The following ACTN1 variants were observed in gnomAD, a reference collection of about 807,000 sequenced individuals.
ACTN1 encodes the protein actinin alpha 1, also known as alpha-actinin-1.
In ACTN1, 30 loss-of-function variants were observed where a neutral mutation model predicts 119.6. The ratio of observed to expected loss-of-function variants is 0.25; its 90% CI spans 0.19 to 0.34. ACTN1 has a LOEUF of 0.34. Among genes scored for constraint, ACTN1 ranks in the 10% least tolerant of loss-of-function variants. ACTN1 has a pLI of 1.00. For missense variants in ACTN1, 764 were observed against 1,223.4 expected, an observed-to-expected ratio of 0.62 and a Z score of 5.60; for synonymous variants, 429 against 472.6, an observed-to-expected ratio of 0.91 and a Z score of 1.20.
intron 1 of ACTN1, chr14:68,978,166 C>T: frequency 2.2e-6 from 1 of 456,246 alleles, no homozygotes; most frequent in South Asian, 1.5e-5. Flanking sequence ...CAAATATCCC[C>T]TAAGACTGAC....
chr14:68,900,376 T>C (rs1440916029), intron 8 of ACTN1, among the ~76,000 whole-genome samples: 1 of 151,820 alleles, frequency 6.6e-6, no homozygotes, highest in South Asian at 2.1e-4. Context: ...GGCAGCCTGG[T>C]TGAGAAGCAT....
intron 21 of ACTN1, among the ~76,000 whole-genome samples, chr14:68,875,348 G>C (rs542734492): frequency 5.3e-5 from 8 of 152,376 alleles, no homozygotes; most frequent in African/African-American, 1.9e-4. Context: ...AGTATCAGCA[G>C]ATACTCTGGT....
chr14:68,902,737 G>A (rs1181452086), intron 7 of ACTN1, among the ~76,000 whole-genome samples, 175 bp from the exon 8 acceptor site: 1 of 152,196 alleles, frequency 6.6e-6, no homozygotes, highest in Non-Finnish European at 1.5e-5. Flanking sequence ...TAGAGGAACA[G>A]GTGAAATGAA....
At position 68,885,785 on chromosome 14, in the gene ACTN1, C is replaced by A; in HGVS notation, c.1235-210G>T. 1 of 590,914 alleles carries A rather than the reference C, an allele frequency of 1.7e-6. No homozygotes were observed. Among genetic ancestry groups the A allele is most frequent in the South Asian group, 2.1e-5 (1 of 48,452 alleles). The allele number at this position is 590,914 out of a possible 1,614,324, so 36.6% of individuals were successfully genotyped here. ...ACGGGGAAAAGCACTCTCCTCAGAG[C>A]ACTTCCAAGGCCATGAAAGTGTCTA... On this transcript the variant is annotated intron_variant, in intron 11 of 21. Transcript: ENST00000394419. The surrounding 1 kb of genome is among the most constrained non-coding windows in gnomAD (Gnocchi z 5.6).
intron 1 of ACTN1, among the ~76,000 whole-genome samples, chr14:68,959,319 T>A (rs1467444907): frequency 1.3e-5 from 2 of 152,226 alleles, no homozygotes; most frequent in Non-Finnish European, 2.9e-5. Flanking sequence ...TACCTGTGGC[T>A]TTCAATGGGA....
chr14:68,932,633 C>A (rs942832632), intron 1 of ACTN1, among the ~76,000 whole-genome samples: 1 of 148,936 alleles, frequency 6.7e-6, no homozygotes, highest in Admixed American at 6.8e-5. Context: ...TCCCAAAGTG[C>A]TGGTTACAGG....
intron 1 of ACTN1, among the ~76,000 whole-genome samples, chr14:68,935,531 G>A (rs1356752571): frequency 2.0e-5 from 3 of 151,402 alleles, no homozygotes; most frequent in Admixed American, 1.3e-4. Context: ...GACTACAGGC[G>A]CGTGCCACCA....
chr14:68,906,686 C>T (rs1019889670), intron 6 of ACTN1, among the ~76,000 whole-genome samples: 4 of 152,222 alleles, frequency 2.6e-5, no homozygotes, highest in South Asian at 2.1e-4. Flanking sequence ...GCTTCCCAGT[C>T]GGAGCCCCTC....
chr14:68,906,011 A>C (rs1269900000), intron 6 of ACTN1, among the ~76,000 whole-genome samples: 5 of 150,984 alleles, frequency 3.3e-5, no homozygotes, highest in Admixed American at 3.3e-4. Flanking sequence ...AGCAAACACC[A>C]TATGGCTTCA....
chr14:68,921,977 A>C (rs1444760509), intron 2 of ACTN1, among the ~76,000 whole-genome samples: 1 of 152,098 alleles, frequency 6.6e-6, no homozygotes, highest in Non-Finnish European at 1.5e-5. Context: ...CATTAACAGC[A>C]CTTTTATTCC....
At chr14:68,927,743 T>C (rs968270858) in intron 1 of ACTN1, among the ~76,000 whole-genome samples, 2 of 152,356 alleles carry the variant, frequency 1.3e-5, no homozygotes, top group South Asian at 4.1e-4. Context: ...AGAGGGCCTT[T>C]AGCCTTTATC....
Position 68,883,025 on chromosome 14 carries a change from C to A in ACTN1, c.1666G>T (p.Ala556Ser). ...GLTTAHEQFK[A>S]TLPDADKERL... ...TCCTTGTCGGCATCAGGGAGGGTGG[C>A]CTTGAACTGCTCATGGGCTGTGGTC... Residue 556 changes from alanine to serine, a missense_variant, in exon 15 of 22, where the codon GCC becomes TCC. Physicochemically the swap from Ala to Ser is moderately conservative, Grantham distance 99 (BLOSUM62 1). Transcript: ENST00000394419. 1.9e-6 allele frequency: 3 copies of A among 1,614,104 alleles called. No homozygotes were observed. The highest frequency in any genetic ancestry group is 2.5e-6 in the Non-Finnish European group (3 of 1,180,020).
At position 68,906,748 on chromosome 14, in the gene ACTN1, C is replaced by T. The variant is rs557181065; in HGVS notation, c.595-2012G>A. Reference sequence around the variant, plus strand: ...CAGTTGGTCTCACAACCTCCTTGTTCTCTGGAAGGGTGTTCCTGGTTCACT... The same window carrying T: ...CAGTTGGTCTCACAACCTCCTTGTTTTCTGGAAGGGTGTTCCTGGTTCACT... On this transcript the variant is annotated intron_variant, in intron 6 of 21. Coordinates refer to ENST00000394419, the MANE Select transcript of ACTN1 (RefSeq NM_001130004.2). 5.9e-5 allele frequency among the ~76,000 whole-genome samples: 9 copies of T among 152,330 alleles called. No homozygotes were observed. In the East Asian group the frequency reaches 1.7e-3, roughly 29 times the overall value.
intron 1 of ACTN1, among the ~76,000 whole-genome samples, chr14:68,956,644 T>A (rs1197584867): frequency 6.6e-6 from 1 of 152,092 alleles, no homozygotes; most frequent in African/African-American, 2.4e-5. Flanking sequence ...AGCTAGAATA[T>A]CTACAAGGAA....
chr14:68,957,037 G>A (rs1046265592), intron 1 of ACTN1, among the ~76,000 whole-genome samples: 11 of 151,614 alleles, frequency 7.3e-5, no homozygotes, highest in Non-Finnish European at 1.0e-4. Context: ...CCCCTTCTCT[G>A]CCCCAAGGAA....
At chr14:68,956,070 C>T (rs1462843274) in intron 1 of ACTN1, among the ~76,000 whole-genome samples, 1 of 152,134 alleles carries the variant, frequency 6.6e-6, no homozygotes, top group Non-Finnish European at 1.5e-5. Context: ...GAGTCTGAAG[C>T]AGGAAGACTG....
At chr14:68,884,408 T>G in intron 13 of ACTN1, 100 bp from the exon 14 acceptor site, 1 of 1,379,922 alleles carries the variant, frequency 7.2e-7, no homozygotes, top group Non-Finnish European at 9.9e-7. Context: ...CTAGAAGCAC[T>G]GACTCAATCA....
rs73284978 is a variant in ACTN1, at chr14:68,902,009, G to T, written c.762+468C>A. Among the ~76,000 whole-genome samples, 1,165 of 152,368 alleles carry T rather than the reference G, an allele frequency of 7.6e-3. 14 individuals are homozygous for T. Among genetic ancestry groups the T allele is most frequent in the African/African-American group, 0.027 (1,108 of 41,592 alleles). ...TCTGCTAAGTCATGCCCATGAGCAG[G>T]ACAAAGGTGGGGCTTTATGATGCCT... On this transcript the variant is annotated intron_variant, in intron 8 of 21. Coordinates refer to ENST00000394419, the MANE Select transcript of ACTN1 (RefSeq NM_001130004.2).
chr14:68,947,354 GGGAGCCTA>G (rs2035976911), intron 1 of ACTN1: 2 of 152,206 alleles, frequency 1.3e-5, no homozygotes, highest in Admixed American at 1.3e-4. Flanking sequence ...AACACACTTA[GGGAGCCTA>G]CCAGGTATGG....
Sources: allele counts gnomAD v4.1 joint callset (sites outside exome capture counted in the v4.1 genomes callset), GRCh38; gene constraint gnomAD v4.1.1; non-coding constraint Gnocchi (gnomAD v3.1); transcripts MANE v1.5; gene names NCBI Gene and HGNC (gene_info 2026-07-23, HGNC 2026-07-21).